SLC24A2: variants seen among roughly 807,000 people sequenced by gnomAD.
SLC24A2 encodes solute carrier family 24 member 2, also known as sodium/potassium/calcium exchanger 2.
SLC24A2 carries 36 observed loss-of-function variants against 62.0 expected under a neutral mutation model. That is an observed-to-expected ratio of 0.58 (90% CI 0.44 to 0.77). The LOEUF is 0.77. Among genes scored for constraint, SLC24A2 ranks in the 30% least tolerant of loss-of-function variants. SLC24A2 has a pLI of 0.00. For synonymous variants in SLC24A2, 358 were observed against 294.0 expected (o/e 1.22, Z -2.23); for missense variants, 846 against 817.9 (o/e 1.03, Z -0.42).
the SLC24A2 span, among the ~76,000 whole-genome samples, chr9:20,005,669 A>C: frequency 1.3e-5 from 2 of 152,000 alleles, no homozygotes; most frequent in Non-Finnish European, 2.9e-5. Context: ...TCTTAAGTGC[A>C]TCAAGGGAGG....
At chr9:20,254,822 C>T in the SLC24A2 span, among the ~76,000 whole-genome samples, 2 of 152,124 alleles carry the variant, frequency 1.3e-5, no homozygotes, top group African/African-American at 2.4e-5. Flanking sequence ...AACTGACGCA[C>T]AATTACACAT....
intron 7 of SLC24A2, among the ~76,000 whole-genome samples, chr9:19,560,271 G>A (rs543879296): frequency 2.0e-4 from 30 of 152,112 alleles, no homozygotes; most frequent in African/African-American, 7.2e-4. Flanking sequence ...AGTCCCTACT[G>A]ACTGTTATAG....
At chr9:20,161,958 G>C in the SLC24A2 span, among the ~76,000 whole-genome samples, 2 of 151,694 alleles carry the variant, frequency 1.3e-5, no homozygotes, top group African/African-American at 4.8e-5. Context: ...AAAATAATTA[G>C]ATGCATAAGA....
At chr9:19,779,555 A>G (rs898595694) in intron 2 of SLC24A2, among the ~76,000 whole-genome samples, 1 of 152,228 alleles carries the variant, frequency 6.6e-6, no homozygotes, top group Non-Finnish European at 1.5e-5. Flanking sequence ...AATCAGGTGC[A>G]TCTACTATTA....
intron 9 of SLC24A2, among the ~76,000 whole-genome samples, chr9:19,527,725 C>A (rs939985525): frequency 7.2e-5 from 11 of 152,274 alleles, no homozygotes; most frequent in Admixed American, 7.2e-4. Flanking sequence ...AAGATAAAGT[C>A]AGTACTACTG....
the SLC24A2 span, among the ~76,000 whole-genome samples, chr9:19,891,614 C>T: frequency 6.6e-6 from 1 of 152,240 alleles, no homozygotes; most frequent in East Asian, 1.9e-4. Flanking sequence ...GGCATAGTGA[C>T]TCATGCCTGT....
At chr9:19,708,879 T>G (rs1182559027) in intron 2 of SLC24A2, among the ~76,000 whole-genome samples, 1 of 152,010 alleles carries the variant, frequency 6.6e-6, no homozygotes, top group Non-Finnish European at 1.5e-5. Flanking sequence ...CCAAAAGCAA[T>G]GGCAACAAAA....
intron 2 of SLC24A2, among the ~76,000 whole-genome samples, chr9:19,709,747 T>C (rs1273563050): frequency 2.1e-4 from 22 of 103,782 alleles, no homozygotes; most frequent in African/African-American, 8.4e-4. Flanking sequence ...CTGGGGACTG[T>C]TGTGGTGTGG....
the SLC24A2 span, among the ~76,000 whole-genome samples, chr9:20,245,519 G>A: frequency 6.6e-6 from 1 of 152,182 alleles, no homozygotes; most frequent in Non-Finnish European, 1.5e-5. Flanking sequence ...TGTGGGTTTG[G>A]AGTCAGAAGC....
intron 1 of SLC24A2, among the ~76,000 whole-genome samples, chr9:19,787,557 G>A (rs965713956): frequency 6.6e-6 from 1 of 152,048 alleles, no homozygotes; most frequent in Admixed American, 6.6e-5. Flanking sequence ...TTAATTTAGT[G>A]ATCTTTTTTC....
chr9:19,759,588 A>T (rs1319312626), intron 2 of SLC24A2, among the ~76,000 whole-genome samples: 1 of 152,218 alleles, frequency 6.6e-6, no homozygotes, highest in Admixed American at 6.5e-5. Flanking sequence ...GTAAAAACAG[A>T]TTACTTAAAA....
At chr9:20,047,002 G>A in the SLC24A2 span, among the ~76,000 whole-genome samples, 44 of 152,010 alleles carry the variant, frequency 2.9e-4, no homozygotes, top group African/African-American at 9.9e-4. Context: ...TTATTTTTAC[G>A]GGACTACTAT....
chr9:20,050,982 G>C, the SLC24A2 span, among the ~76,000 whole-genome samples: 2 of 151,980 alleles, frequency 1.3e-5, no homozygotes, highest in Non-Finnish European at 2.9e-5. Context: ...GAAAAAATAC[G>C]TAAAAGAGGA....
At chr9:19,970,223 G>A in the SLC24A2 span, among the ~76,000 whole-genome samples, 1 of 152,144 alleles carries the variant, frequency 6.6e-6, no homozygotes, top group African/African-American at 2.4e-5. Flanking sequence ...AAAGTGGAAG[G>A]GAACCCTTTC....
At chr9:19,927,527 C>G in the SLC24A2 span, 11 of 152,310 alleles carry the variant, frequency 7.2e-5, no homozygotes, top group East Asian at 2.1e-3. Flanking sequence ...GAGGCAGAAC[C>G]TAGTTCTAAG....
intron 2 of SLC24A2, among the ~76,000 whole-genome samples, chr9:19,750,578 T>C (rs1821953828): frequency 6.6e-6 from 1 of 152,276 alleles, no homozygotes; most frequent in African/African-American, 2.4e-5. Context: ...AACTGAGCTC[T>C]GCCCCCGTCC....
rs544471531 is a variant in SLC24A2, at chr9:19,783,453, T to C, written c.930+2484A>G. 5.3e-5 allele frequency among the ~76,000 whole-genome samples: 8 copies of C among 152,336 alleles called. No individual in the cohort carries two copies. In the South Asian group the frequency reaches 1.7e-3, roughly 32 times the overall value. On this transcript the variant is annotated intron_variant, in intron 2 of 10. Transcript: ENST00000341998. Reference sequence around the variant, plus strand: ...CTTTTTTTCCTAGATGTTTTGGTGATGTCAGAAGCATTAATTTCTGTAAGA... The same window carrying C: ...CTTTTTTTCCTAGATGTTTTGGTGACGTCAGAAGCATTAATTTCTGTAAGA...
chr9:20,091,136 A>G, the SLC24A2 span, among the ~76,000 whole-genome samples: 4 of 152,002 alleles, frequency 2.6e-5, no homozygotes, highest in Admixed American at 2.0e-4. Flanking sequence ...CTGAAATGAC[A>G]GAAAAAAAAA....
the SLC24A2 span, among the ~76,000 whole-genome samples, chr9:20,129,264 T>C: frequency 8.8e-3 from 1,336 of 152,248 alleles, 5 homozygotes; most frequent in Non-Finnish European, 0.016. Context: ...CCCATGAGAA[T>C]GGCTATAATT....
Sources: allele counts gnomAD v4.1 joint callset (sites outside exome capture counted in the v4.1 genomes callset), GRCh38; gene constraint gnomAD v4.1.1; transcripts MANE v1.5; gene names NCBI Gene and HGNC (gene_info 2026-07-23, HGNC 2026-07-21).